Variants in RGPD4 observed in about 807,000 individuals in gnomAD.
The protein encoded by RGPD4 is ranBP2-like and GRIP domain-containing protein 4.
RGPD4 carries 84 observed loss-of-function variants against 141.1 expected under a neutral mutation model. That is an observed-to-expected ratio of 0.60 (90% CI 0.50 to 0.71). The LOEUF (loss-of-function observed/expected upper bound fraction) is 0.71. RGPD4 is among the 30% of genes least tolerant of loss of function. RGPD4 has a pLI of 0.00. For synonymous variants in RGPD4, 298 were observed against 566.8 expected, an observed-to-expected ratio of 0.53 and a Z score of 6.74; for missense variants, 918 against 1,622.4, an observed-to-expected ratio of 0.57 and a Z score of 7.46.
intron 22 of RGPD4, among the ~76,000 whole-genome samples, chr2:107,886,123 A>G (rs972234422): frequency 2.0e-5 from 3 of 147,068 alleles, no homozygotes; most frequent in Admixed American, 2.0e-4. Flanking sequence ...CATGGGAGAA[A>G]CAAAAAACAA....
At chr2:107,881,833 C>T (rs1302475967) in intron 21 of RGPD4, among the ~76,000 whole-genome samples, 2 of 151,566 alleles carry the variant, frequency 1.3e-5, no homozygotes, top group Admixed American at 1.3e-4. Context: ...TTCTTTGCCT[C>T]ATTTCTCTGA....
At chr2:107,832,664 A>C (rs1681533400) in intron 1 of RGPD4, among the ~76,000 whole-genome samples, 1 of 146,282 alleles carries the variant, frequency 6.8e-6, no homozygotes, top group South Asian at 2.2e-4. Context: ...CTGGTCTGGA[A>C]ACTAATGGTA....
intron 6 of RGPD4, among the ~76,000 whole-genome samples, chr2:107,845,278 AC>A (rs1450400825): frequency 2.0e-5 from 2 of 97,830 alleles, no homozygotes; most frequent in African/African-American, 8.6e-5. Flanking sequence ...TCGCTCTGTC[AC>A]CCAGCCTGGA....
At chr2:107,859,640 A>T (rs1234274759) in intron 11 of RGPD4, 82 bp from the exon 12 acceptor site, 2 of 1,611,298 alleles carry the variant, frequency 1.2e-6, no homozygotes, top group African/African-American at 1.3e-5. Flanking sequence ...TTAATTTGTC[A>T]TGTGACCCAT....
intron 1 of RGPD4, among the ~76,000 whole-genome samples, chr2:107,829,671 A>T (rs1394760582): frequency 6.6e-6 from 1 of 152,122 alleles, no homozygotes; most frequent in Non-Finnish European, 1.5e-5. Flanking sequence ...TTGCGAGCGC[A>T]GGAAGAGTCC....
At chr2:107,857,520 A>G (rs1348296047) in intron 9 of RGPD4, among the ~76,000 whole-genome samples, 1 of 150,082 alleles carries the variant, frequency 6.7e-6, no homozygotes, top group Non-Finnish European at 1.5e-5. Context: ...GCTGCCTTGA[A>G]CTTCTGGGCT....
At chr2:107,845,195 C>A (rs927436455) in intron 6 of RGPD4, among the ~76,000 whole-genome samples, 6 of 115,458 alleles carry the variant, frequency 5.2e-5, no homozygotes, top group Non-Finnish European at 8.5e-5. Flanking sequence ...TGCCCGACAC[C>A]ACACCTGGCT....
chr2:107,829,782 C>A (rs549812071), intron 1 of RGPD4, among the ~76,000 whole-genome samples: 1 of 152,094 alleles, frequency 6.6e-6, no homozygotes, highest in African/African-American at 2.4e-5. Flanking sequence ...CTCCTGGGCC[C>A]GTCCTGGCCC....
Position 107,882,693 on chromosome 2 carries a change from AGAT to A in RGPD4, c.5087_5089del (p.Arg1696_Leu1697delinsMet), listed in dbSNP as rs1358184591. The A allele has an allele frequency of 6.2e-7, 1 of 1,611,410 alleles. No homozygotes were observed. On this transcript the variant is annotated inframe_deletion, in exon 22 of 23. Coordinates refer to ENST00000408999, the MANE Select transcript of RGPD4 (RefSeq NM_182588.3). ...CCAGCTTCTCAAAAGTGAAATAAGA[AGAT>A]TGGAAAGGAATCAAGAGCAAGAGGA...
chr2:107,827,236 C>G lies in RGPD4; in HGVS notation c.72+151C>G, dbSNP rs62159108. Among the ~76,000 whole-genome samples the G allele has an allele frequency of 1.5e-4, 14 of 94,436 alleles. 1 individual carries two copies. The South Asian group carries it at 5.1e-3, about 34-fold the overall frequency. 62.0% of individuals were successfully genotyped at this position (94,436 alleles called of 152,430 possible). ...CTCTGTTGAGGCGGCGGCCTCGACC[C>G]GGCCCGGCGGCGGCCTCGATGGCTC... On this transcript the variant is annotated intron_variant, in intron 1 of 22. Transcript: ENST00000408999.
intron 1 of RGPD4, among the ~76,000 whole-genome samples, chr2:107,828,491 G>A (rs868061045): frequency 1.0e-5 from 1 of 99,676 alleles, no homozygotes; most frequent in Admixed American, 9.0e-5. Context: ...CTCTGTTGAG[G>A]CGGCGGCCTC....
intron 17 of RGPD4, among the ~76,000 whole-genome samples, chr2:107,865,943 A>G (rs1323421402): frequency 2.4e-5 from 3 of 126,696 alleles, no homozygotes; most frequent in Non-Finnish European, 5.0e-5. Context: ...GCTGGCTGAC[A>G]CCTGTAATCC....
intron 22 of RGPD4, among the ~76,000 whole-genome samples, chr2:107,884,261 C>G (rs1205108884): frequency 6.6e-6 from 1 of 152,016 alleles, no homozygotes; most frequent in Non-Finnish European, 1.5e-5. Context: ...CAGATGCACG[C>G]CAGCTAATTT....
chr2:107,871,874 A>T lies in RGPD4; in HGVS notation c.3870A>T (p.Thr1290=). ...TTTTCCATTTTGGTGAGTCAACAACAGGATCTAACTTCAGTTTTAAATCTG... is the reference window on the plus strand; with the variant it reads ...TTTTCCATTTTGGTGAGTCAACAACTGGATCTAACTTCAGTTTTAAATCTG... ...KNLFHFGEST[T]GSNFSFKSAL... Residue 1290 remains threonine (T), a synonymous_variant, in exon 20 of 23, where the codon ACA becomes ACT. Coordinates refer to ENST00000408999, the MANE Select transcript of RGPD4 (RefSeq NM_182588.3). The T allele has an allele frequency of 6.2e-7, 1 of 1,611,678 alleles. No individual in the cohort carries two copies. Among genetic ancestry groups the T allele is most frequent in the East Asian group, 2.2e-5 (1 of 44,872 alleles).
intron 1 of RGPD4, among the ~76,000 whole-genome samples, chr2:107,832,748 C>T (rs1293134617): frequency 2.6e-4 from 40 of 151,958 alleles, no homozygotes; most frequent in East Asian, 1.2e-3. Context: ...TAATTTTTTT[C>T]GCAATTTTGA....
At chr2:107,830,343 TAA>T (rs10547790) in intron 1 of RGPD4, among the ~76,000 whole-genome samples, 95,141 of 140,430 alleles carry the variant, frequency 0.68, 32,553 homozygotes, top group Middle Eastern at 0.75. Context: ...TAAACAAGCT[TAA>T]AAAAAAAAAA....
Position 107,869,214 on chromosome 2 carries a change from A to G in RGPD4, c.2606-669A>G, listed in dbSNP as rs1324070970. On this transcript the variant is annotated intron_variant, in intron 18 of 22. Coordinates refer to ENST00000408999, the MANE Select transcript of RGPD4 (RefSeq NM_182588.3). ...TTGGTTGTTTTCTGGTAAAACTATC[A>G]TAAAACAGTTGAAGCAAATGACTAT... Among the ~76,000 whole-genome samples the G allele has an allele frequency of 1.5e-4, 11 of 71,416 alleles. 5 individuals carry two copies. Among genetic ancestry groups the G allele is most frequent in the African/African-American group, 5.5e-4 (9 of 16,364 alleles). The allele number at this position is 71,416 out of a possible 152,430, so 46.9% of individuals were successfully genotyped here.
At chr2:107,890,699 T>C (rs1294051884) in intron 22 of RGPD4, 22 bp from the exon 23 acceptor site, 5 of 1,596,806 alleles carry the variant, frequency 3.1e-6, no homozygotes, top group Non-Finnish European at 4.3e-6. Context: ...TTTTTCTTTT[T>C]TTTTTGTTTT....
At chr2:107,857,957 A>C (rs947525456) in intron 9 of RGPD4, among the ~76,000 whole-genome samples, 1 of 152,020 alleles carries the variant, frequency 6.6e-6, no homozygotes, top group African/African-American at 2.4e-5. Context: ...CTGCTGCACT[A>C]CAGCCTGGGC....
Sources: gnomAD v4.1 joint callset for allele counts (sites outside exome capture counted in the v4.1 genomes callset) on GRCh38, gnomAD v4.1.1 for gene constraint, MANE v1.5 for transcripts, NCBI Gene and HGNC (gene_info 2026-07-23, HGNC 2026-07-21) for gene names.